Variants in UQCC6 observed in about 807,000 individuals in gnomAD.
The protein encoded by UQCC6 is protein BRAWNIN.
the UQCC6 span, chr12:103,956,858 T>C: frequency 1.5e-6 from 1 of 675,288 alleles, no homozygotes; most frequent in Non-Finnish European, 2.6e-6. Context: ...GCGGCGGGGG[T>C]GCAGGAGGAC....
the UQCC6 span, chr12:103,955,819 C>A: frequency 1.5e-5 from 7 of 455,814 alleles, no homozygotes; most frequent in Admixed American, 1.4e-4. Flanking sequence ...CATACTTTCT[C>A]ATCTCCACCT....
the UQCC6 span, chr12:103,956,605 T>A: frequency 6.8e-7 from 1 of 1,463,622 alleles, no homozygotes; most frequent in South Asian, 1.2e-5. Context: ...AGCTCAAAAA[T>A]AAAATAGTAG....
the UQCC6 span, chr12:103,955,021 A>G: frequency 1.4e-6 from 1 of 694,944 alleles, no homozygotes; most frequent in African/African-American, 1.8e-5. Context: ...ACTGATGTTA[A>G]AAATACAAAT....
At chr12:103,956,738 T>C in the UQCC6 span, 9 of 1,549,876 alleles carry the variant, frequency 5.8e-6, no homozygotes, top group Non-Finnish European at 7.0e-6. Context: ...CCCGCGGGCA[T>C]GGTCGGCAGG....
chr12:103,953,803 C>T, the UQCC6 span, among the ~76,000 whole-genome samples: 22 of 152,316 alleles, frequency 1.4e-4, no homozygotes, highest in African/African-American at 4.3e-4. Context: ...GCTGTAACAA[C>T]CCTTGCACAT....
chr12:103,958,988 C>A, the UQCC6 span, among the ~76,000 whole-genome samples: 1 of 152,190 alleles, frequency 6.6e-6, no homozygotes, highest in East Asian at 1.9e-4. Context: ...ATGAGTATTA[C>A]ACCCTCTGTA....
chr12:103,955,539 CAGG>C, the UQCC6 span, among the ~76,000 whole-genome samples: 12 of 152,156 alleles, frequency 7.9e-5, no homozygotes, highest in Admixed American at 7.9e-4. Context: ...GAGGCTGAGG[CAGG>C]AGGACTGATT....
chr12:103,960,753 C>T, the UQCC6 span, among the ~76,000 whole-genome samples: 1 of 152,132 alleles, frequency 6.6e-6, no homozygotes, highest in Non-Finnish European at 1.5e-5. Flanking sequence ...TGAAAAAATC[C>T]TATAGCCTAA....
chr12:103,961,856 G>A, the UQCC6 span, among the ~76,000 whole-genome samples: 1 of 152,052 alleles, frequency 6.6e-6, no homozygotes, highest in East Asian at 1.9e-4. Flanking sequence ...CACCGTGCTG[G>A]GCCTAATACT....
the UQCC6 span, among the ~76,000 whole-genome samples, chr12:103,960,271 C>T: frequency 1.4e-4 from 22 of 152,012 alleles, no homozygotes; most frequent in Non-Finnish European, 1.8e-4. Flanking sequence ...CGGGGTTTCA[C>T]CACGTTGGCC....
the UQCC6 span, among the ~76,000 whole-genome samples, chr12:103,956,135 G>C: frequency 2.0e-5 from 3 of 151,828 alleles, no homozygotes; most frequent in Non-Finnish European, 2.9e-5. Flanking sequence ...GGAATTCTTT[G>C]GGAGCTAACC....
the UQCC6 span, among the ~76,000 whole-genome samples, chr12:103,954,452 C>T: frequency 6.6e-6 from 1 of 152,152 alleles, no homozygotes; most frequent in African/African-American, 2.4e-5. Context: ...ATGTGTAACA[C>T]AAGGCAAGAG....
At chr12:103,954,641 A>C in the UQCC6 span, 1 of 355,522 alleles carries the variant, frequency 2.8e-6, no homozygotes, top group Non-Finnish European at 5.1e-6. Flanking sequence ...TTTCGGCGTG[A>C]AATTTGGAGG....
At chr12:103,960,352 G>T in the UQCC6 span, among the ~76,000 whole-genome samples, 1 of 152,116 alleles carries the variant, frequency 6.6e-6, no homozygotes, top group Non-Finnish European at 1.5e-5. Context: ...GAGATTACAG[G>T]CATGAGCCAC....
At chr12:103,953,064 G>A in the UQCC6 span, among the ~76,000 whole-genome samples, 1 of 152,210 alleles carries the variant, frequency 6.6e-6, no homozygotes. Flanking sequence ...GGAAGACACT[G>A]GAGAGTTCTG....
chr12:103,953,527 C>T, the UQCC6 span: 2 of 702,366 alleles, frequency 2.8e-6, no homozygotes, highest in Non-Finnish European at 5.2e-6. Context: ...ACTTGTGATC[C>T]AGTTTTGCTA....
the UQCC6 span, among the ~76,000 whole-genome samples, chr12:103,958,357 A>G: frequency 6.6e-6 from 1 of 152,178 alleles, no homozygotes; most frequent in Non-Finnish European, 1.5e-5. Flanking sequence ...AAAGTATACA[A>G]TATGATGTTT....
chr12:103,956,809 G>T, the UQCC6 span: 1 of 1,080,482 alleles, frequency 9.3e-7, no homozygotes, highest in Non-Finnish European at 1.4e-6. Context: ...CCGCGCCAGG[G>T]CTGAGGCGCT....
At chr12:103,959,556 ACAAAAATTGGC>A in the UQCC6 span, among the ~76,000 whole-genome samples, 14,371 of 151,706 alleles carry the variant, frequency 0.095, 749 homozygotes, top group Middle Eastern at 0.12. Flanking sequence ...CTACTAAAAT[ACAAAAATTGGC>A]CAGGTGTGGT....
Sources: gnomAD v4.1 joint callset for allele counts (sites outside exome capture counted in the v4.1 genomes callset) on GRCh38, gnomAD v4.1.1 for gene constraint, MANE v1.5 for transcripts, NCBI Gene and HGNC (gene_info 2026-07-23, HGNC 2026-07-21) for gene names.